Variants in CHLSN observed in about 807,000 individuals in gnomAD.
CHLSN encodes cholesin.
At chr7:1,120,813 C>T in the CHLSN span, among the ~76,000 whole-genome samples, 1 of 145,946 alleles carries the variant, frequency 6.9e-6, no homozygotes, top group Non-Finnish European at 1.6e-5. Context: ...AATGGATGGA[C>T]ACGGGGCGTA....
chr7:1,084,048 A>T, the CHLSN span, among the ~76,000 whole-genome samples: 2 of 152,248 alleles, frequency 1.3e-5, no homozygotes, highest in African/African-American at 2.4e-5. Context: ...AGTCTGTCTG[A>T]GGGGAGGTCA....
the CHLSN span, among the ~76,000 whole-genome samples, chr7:1,119,984 A>G: frequency 6.6e-6 from 1 of 152,192 alleles, no homozygotes; most frequent in African/African-American, 2.4e-5. Flanking sequence ...AAACAAATTT[A>G]AATTGGTTCT....
At chr7:1,109,825 G>T in the CHLSN span, among the ~76,000 whole-genome samples, 1 of 152,134 alleles carries the variant, frequency 6.6e-6, no homozygotes, top group South Asian at 2.1e-4. Flanking sequence ...CGGCGCCACG[G>T]GTGACTTTCG....
At chr7:1,076,464 G>A in the CHLSN span, among the ~76,000 whole-genome samples, 5 of 152,348 alleles carry the variant, frequency 3.3e-5, no homozygotes, top group South Asian at 2.1e-4. Context: ...CTGTGGCACC[G>A]GTGGTTTCCC....
the CHLSN span, among the ~76,000 whole-genome samples, chr7:1,073,222 C>T: frequency 6.6e-6 from 1 of 152,200 alleles, no homozygotes; most frequent in African/African-American, 2.4e-5. Flanking sequence ...GAACACCTTA[C>T]ACCCTCCTTC....
At chr7:1,068,712 C>T in the CHLSN span, among the ~76,000 whole-genome samples, 1 of 152,138 alleles carries the variant, frequency 6.6e-6, no homozygotes, top group East Asian at 1.9e-4. Flanking sequence ...AAGTTTTACT[C>T]GTCTGCAACA....
At chr7:993,837 C>T in the CHLSN span, among the ~76,000 whole-genome samples, 19 of 151,982 alleles carry the variant, frequency 1.3e-4, no homozygotes, top group East Asian at 3.9e-4. Flanking sequence ...GGTGATTCAG[C>T]GGCCGAACCT....
chr7:1,020,974 TGGG>T, the CHLSN span, among the ~76,000 whole-genome samples: 2 of 139,432 alleles, frequency 1.4e-5, no homozygotes, highest in African/African-American at 6.7e-5. Flanking sequence ...GCCTCCAGGC[TGGG>T]GACCTTCAGG....
chr7:1,081,500 G>A, the CHLSN span, among the ~76,000 whole-genome samples: 132 of 152,358 alleles, frequency 8.7e-4, no homozygotes, highest in African/African-American at 2.7e-3. Context: ...CAGGGGTGGC[G>A]GCAAGGGGGC....
chr7:1,111,502 T>G, the CHLSN span, among the ~76,000 whole-genome samples: 1 of 152,160 alleles, frequency 6.6e-6, no homozygotes, highest in African/African-American at 2.4e-5. Flanking sequence ...TCGTTTTGCT[T>G]AAAGTCACAG....
At chr7:984,864 T>C in the CHLSN span, 3 of 1,489,780 alleles carry the variant, frequency 2.0e-6, no homozygotes, top group Non-Finnish European at 2.7e-6. Context: ...CGCTGCCCTG[T>C]CAGCCTGCTC....
At chr7:1,054,803 A>G in the CHLSN span, among the ~76,000 whole-genome samples, 1 of 152,204 alleles carries the variant, frequency 6.6e-6, no homozygotes, top group Non-Finnish European at 1.5e-5. Flanking sequence ...CTGTGCACGG[A>G]GACACCAGAT....
chr7:983,288 C>A, the CHLSN span: 1 of 1,543,484 alleles, frequency 6.5e-7, no homozygotes, highest in Non-Finnish European at 8.7e-7. Context: ...CAAGACCCCT[C>A]CCCAGCTGCC....
chr7:1,081,418 G>A, the CHLSN span, among the ~76,000 whole-genome samples: 46 of 152,358 alleles, frequency 3.0e-4, no homozygotes, highest in East Asian at 1.2e-3. Flanking sequence ...TGTAGAGCCC[G>A]AGCCCGGGCA....
the CHLSN span, among the ~76,000 whole-genome samples, chr7:1,115,346 C>T: frequency 5.9e-5 from 9 of 152,382 alleles, no homozygotes; most frequent in East Asian, 1.7e-3. Context: ...ACCACAGACC[C>T]AGCCCCCAGG....
At chr7:1,124,079 G>C in the CHLSN span, among the ~76,000 whole-genome samples, 2 of 152,254 alleles carry the variant, frequency 1.3e-5, no homozygotes, top group Admixed American at 1.3e-4. Context: ...AGCCCTCAAA[G>C]CGTAGCTGGA....
the CHLSN span, chr7:986,749 G>T: frequency 1.9e-6 from 3 of 1,605,552 alleles, no homozygotes; most frequent in Non-Finnish European, 2.6e-6. Context: ...ACGTGTGCCC[G>T]GGGGACCCCG....
the CHLSN span, among the ~76,000 whole-genome samples, chr7:1,108,781 T>C: frequency 4.6e-5 from 7 of 152,088 alleles, no homozygotes; most frequent in Non-Finnish European, 1.0e-4. Context: ...TTGATGCCGA[T>C]GGGGGCCATC....
the CHLSN span, chr7:1,092,391 G>A: frequency 6.3e-7 from 1 of 1,598,656 alleles, no homozygotes; most frequent in Non-Finnish European, 8.5e-7. Flanking sequence ...AGGTCACGCT[G>A]GGCTTCATCG....
Sources: allele counts gnomAD v4.1 joint callset (sites outside exome capture counted in the v4.1 genomes callset), GRCh38; gene constraint gnomAD v4.1.1; transcripts MANE v1.5; gene names NCBI Gene and HGNC (gene_info 2026-07-23, HGNC 2026-07-21).